Variants in B3GALT1 observed in about 807,000 individuals in gnomAD.
The protein encoded by B3GALT1 is UDP-Gal:betaGlcNAc beta 1,3-galactosyltransferase, polypeptide 1.
B3GALT1 carries 10 observed loss-of-function variants against 23.2 expected under a neutral mutation model. The ratio of observed to expected loss-of-function variants is 0.43; its 90% CI spans 0.27 to 0.73. The LOEUF is 0.73. B3GALT1 is among the 30% of genes least tolerant of loss of function. B3GALT1 has a pLI of 0.21. For missense variants in B3GALT1, 299 were observed against 405.4 expected (o/e 0.74, Z 2.25); for synonymous variants, 156 against 141.5 (o/e 1.10, Z -0.73).
chr2:167,697,453 T>C (rs771627877), intron 3 of B3GALT1, among the ~76,000 whole-genome samples: 1 of 152,216 alleles, frequency 6.6e-6, no homozygotes, highest in Non-Finnish European at 1.5e-5. Context: ...CCCAACTGTC[T>C]CTGGTTTCCC....
intron 1 of B3GALT1, among the ~76,000 whole-genome samples, chr2:167,337,872 A>G (rs1218874221): frequency 6.6e-6 from 1 of 152,200 alleles, no homozygotes; most frequent in African/African-American, 2.4e-5. Flanking sequence ...AGAATAATCA[A>G]TATTATTACT....
At chr2:167,662,581 A>T (rs1474097345) in intron 3 of B3GALT1, among the ~76,000 whole-genome samples, 5 of 152,092 alleles carry the variant, frequency 3.3e-5, no homozygotes, top group Non-Finnish European at 7.4e-5. Flanking sequence ...CCCTGCTTCC[A>T]CCTTGTCCCT....
At chr2:167,300,421 C>G (rs553632536) in intron 1 of B3GALT1, among the ~76,000 whole-genome samples, 1 of 151,944 alleles carries the variant, frequency 6.6e-6, no homozygotes, top group Non-Finnish European at 1.5e-5. Context: ...AGTTAAATTC[C>G]AAAGAGATTG....
intron 1 of B3GALT1, among the ~76,000 whole-genome samples, chr2:167,321,868 TCAGA>T (rs1398773540): frequency 2.6e-5 from 4 of 152,078 alleles, no homozygotes; most frequent in Non-Finnish European, 4.4e-5. Context: ...CATTCACTCC[TCAGA>T]CAATTTGTAA....
At chr2:167,403,236 T>C (rs1410960527) in intron 1 of B3GALT1, among the ~76,000 whole-genome samples, 1 of 122,688 alleles carries the variant, frequency 8.2e-6, no homozygotes, top group Non-Finnish European at 1.7e-5. Flanking sequence ...AATGTTCTTA[T>C]TGTTCAATTC....
chr2:167,825,973 C>T (rs78054398), intron 4 of B3GALT1, among the ~76,000 whole-genome samples: 1 of 152,122 alleles, frequency 6.6e-6, no homozygotes, highest in Non-Finnish European at 1.5e-5. Context: ...CCCTCTGATT[C>T]CTTCTCTTTC....
At chr2:167,552,857 T>C (rs1467503620) in intron 2 of B3GALT1, among the ~76,000 whole-genome samples, 1 of 152,214 alleles carries the variant, frequency 6.6e-6, no homozygotes, top group East Asian at 1.9e-4. Context: ...CTTTGTGTTT[T>C]TAATCATACA....
intron 3 of B3GALT1, among the ~76,000 whole-genome samples, chr2:167,800,258 A>T (rs1321764983): frequency 6.6e-6 from 1 of 152,222 alleles, no homozygotes; most frequent in Non-Finnish European, 1.5e-5. Flanking sequence ...TGGAACATAC[A>T]AGTAGCTCCC....
chr2:167,416,157 T>G (rs1698466878), intron 1 of B3GALT1, among the ~76,000 whole-genome samples: 1 of 152,126 alleles, frequency 6.6e-6, no homozygotes, highest in Non-Finnish European at 1.5e-5. Context: ...TGGAAGCATT[T>G]CTGAGATCTT....
intron 2 of B3GALT1, among the ~76,000 whole-genome samples, chr2:167,563,904 G>GT (rs745728893): frequency 2.4e-5 from 3 of 126,418 alleles, no homozygotes; most frequent in Non-Finnish European, 5.0e-5. Context: ...GCCGGGCGGG[G>GT]CCGATCCCCC....
chr2:167,562,764 G>A (rs966531225), intron 2 of B3GALT1, among the ~76,000 whole-genome samples: 25 of 151,876 alleles, frequency 1.6e-4, no homozygotes, highest in African/African-American at 4.8e-4. Flanking sequence ...GTGAACAAAG[G>A]TCTCTGGTTT....
At chr2:167,650,389 T>C (rs1685840895) in intron 3 of B3GALT1, among the ~76,000 whole-genome samples, 2 of 151,026 alleles carry the variant, frequency 1.3e-5, no homozygotes, top group Non-Finnish European at 3.0e-5. Flanking sequence ...TCATGTTATA[T>C]ATACATAATC....
At chr2:167,562,782 C>G (rs990875080) in intron 2 of B3GALT1, among the ~76,000 whole-genome samples, 14 of 151,698 alleles carry the variant, frequency 9.2e-5, no homozygotes, top group African/African-American at 2.9e-4. Flanking sequence ...TTTTCCTAGG[C>G]AGAGGACCCT....
intron 3 of B3GALT1, among the ~76,000 whole-genome samples, chr2:167,757,814 A>G (rs1238239517): frequency 3.3e-5 from 5 of 152,102 alleles, no homozygotes; most frequent in Non-Finnish European, 7.3e-5. Context: ...CCAGCCCATA[A>G]TTCAGGGTAT....
intron 3 of B3GALT1, among the ~76,000 whole-genome samples, chr2:167,770,170 G>A (rs1296224369): frequency 6.6e-6 from 1 of 152,162 alleles, no homozygotes; most frequent in African/African-American, 2.4e-5. Context: ...GCAGTGGTGT[G>A]ATCATAGCTC....
intron 2 of B3GALT1, among the ~76,000 whole-genome samples, chr2:167,533,006 C>T (rs1459562648): frequency 6.6e-6 from 1 of 151,968 alleles, no homozygotes; most frequent in Non-Finnish European, 1.5e-5. Flanking sequence ...AGATTATAGG[C>T]ATGCGCCATC....
At chr2:167,643,753 T>C (rs1685694651) in intron 2 of B3GALT1, among the ~76,000 whole-genome samples, 1 of 152,170 alleles carries the variant, frequency 6.6e-6, no homozygotes, top group Non-Finnish European at 1.5e-5. Context: ...TGTTTACAAA[T>C]GTATAAGGTG....
intron 1 of B3GALT1, among the ~76,000 whole-genome samples, chr2:167,457,097 G>T (rs1021077523): frequency 6.6e-6 from 1 of 152,080 alleles, no homozygotes; most frequent in African/African-American, 2.4e-5. Flanking sequence ...ATGTTTTTAG[G>T]AGCTGTGGAG....
At chr2:167,326,051 A>G (rs1696887678) in intron 1 of B3GALT1, among the ~76,000 whole-genome samples, 1 of 150,322 alleles carries the variant, frequency 6.7e-6, no homozygotes, top group Non-Finnish European at 1.5e-5. Context: ...CTAAATGTCT[A>G]AAAGTTCCTT....
Sources: gnomAD v4.1 joint callset for allele counts (sites outside exome capture counted in the v4.1 genomes callset) on GRCh38, gnomAD v4.1.1 for gene constraint, MANE v1.5 for transcripts, NCBI Gene and HGNC (gene_info 2026-07-23, HGNC 2026-07-21) for gene names.